TYMP: variants seen among roughly 807,000 people sequenced by gnomAD.
TYMP encodes thymidine phosphorylase.
TYMP carries 46 observed loss-of-function variants against 42.3 expected under a neutral mutation model. That is an observed-to-expected ratio of 1.09 (90% confidence interval 0.86 to 1.39). TYMP has a LOEUF of 1.39. Among genes scored for constraint, TYMP ranks in the 40% most tolerant of loss-of-function variants. The pLI, the probability that TYMP is intolerant of heterozygous loss-of-function variation, is 0.00. For missense variants in TYMP, 837 were observed against 677.6 expected (o/e 1.24, Z -2.61); for synonymous variants, 363 against 308.0 (o/e 1.18, Z -1.87).
chr22:50,529,859 T>C (rs2069529026), intron 1 of TYMP, 45 bp downstream of exon 1: 5 of 744,802 alleles, frequency 6.7e-6, no homozygotes, highest in Non-Finnish European at 6.4e-6. Flanking sequence ...CTCGTCCGTG[T>C]CTGCCTCCCG....
chr22:50,526,332 C>A lies in TYMP; in HGVS notation c.1073G>T (p.Arg358Leu). Residue 358 changes from arginine to leucine, a missense_variant, in exon 8 of 10, where the codon CGA (arginine) becomes CTA (leucine). Arg to Leu is a moderately radical substitution (Grantham distance 102, BLOSUM62 -2). Transcript: ENST00000252029. ...TGCGGGACTTCCCGAGCACAGGGCT[C>A]GGGCCAGACCGGGATCCACGCCCTG... ...AAQGVDPGLA[R>L]ALCSGSPAER... The A allele has an allele frequency of 1.3e-6, 2 of 1,559,818 alleles. No homozygotes were observed. Among genetic ancestry groups the A allele is most frequent in the Non-Finnish European group, 1.7e-6 (2 of 1,163,752 alleles).
rs761608162 is a variant in TYMP, at chr22:50,526,702, C to CCGCG, written c.798_801dup (p.Ala268ArgfsTer?). ...GGCTTGTCCATGGCGGTCAGCGCTG[C>CCGCG]CGCGACCCGAAGCCCTAGGCTGGCT... On this transcript the variant is annotated frameshift_variant, in exon 7 of 10. Coordinates refer to ENST00000252029, the MANE Select transcript of TYMP (RefSeq NM_001953.5). LOFTEE classifies it high-confidence loss of function. The CCGCG allele has an allele frequency of 5.2e-6, 8 of 1,541,392 alleles. No individual in the cohort carries two copies. In the South Asian group the frequency reaches 9.5e-5, roughly 18 times the overall value.
At chr22:50,525,969 T>TGCGGGGCCAGCAGGGCGGGGGC (rs1556486232) in intron 9 of TYMP, 32 bp downstream of exon 9, 10 of 1,372,680 alleles carry the variant, frequency 7.3e-6, no homozygotes, top group East Asian at 3.0e-5. Flanking sequence ...TGGGCGGGGG[T>TGCGGGGCCAGCAGGGCGGGGGC]GCGGGGCCAG....
chr22:50,525,797 TGCGAAGGGCGAGGGGGCG>T lies in TYMP; in HGVS notation c.1404_1421del (p.Ala469_Ala474del). 1 of 1,610,816 alleles carries T rather than the reference TGCGAAGGGCGAGGGGGCG, an allele frequency of 6.2e-7. No individual in the cohort carries two copies. Among genetic ancestry groups the T allele is most frequent in the Non-Finnish European group, 8.5e-7 (1 of 1,179,058 alleles). ...ATTGCTGCGGCGGCAGAACGAGCTC[TGCGAAGGGCGAGGGGGCG>T]GCGAATGGCGCGCGGTCGGAGAGTA... On this transcript the variant is annotated inframe_deletion, in exon 10 of 10. Transcript: ENST00000252029.
At chr22:50,529,752 G>A in intron 1 of TYMP, 33 bp from the exon 2 acceptor site, 1 of 1,565,716 alleles carries the variant, frequency 6.4e-7, no homozygotes, top group Non-Finnish European at 8.7e-7. Context: ...CGGGGTCTGC[G>A]GCCTCCCGGC....
chr22:50,528,975 G>A, intron 3 of TYMP, 161 bp downstream of exon 3: 2 of 796,474 alleles, frequency 2.5e-6, no homozygotes, highest in South Asian at 1.5e-5. Flanking sequence ...CTGTGCTGGG[G>A]AACGGGGTGG....
chr22:50,527,706 C>G lies in TYMP; in HGVS notation c.528G>C (p.Leu176=). Reference sequence around the variant, plus strand: ...CGATACAGCAGCCCGCCTGGTCCAGCAGCACTTGCATCTGGTCAGACATCC... The same window carrying G: ...CGATACAGCAGCCCGCCTGGTCCAGGAGCACTTGCATCTGGTCAGACATCC... ...VIQSPEQMQV[L]LDQAGCCIVG... The change falls in exon 5 of 10, where the codon CTG becomes CTC. Residue 176 remains leucine (L), a synonymous_variant. Transcript: ENST00000252029. 1 of 1,613,666 alleles carries G rather than the reference C, an allele frequency of 6.2e-7. No homozygotes were observed.
In TYMP at chr22:50,526,276, C is replaced by G. The variant is rs2069370068; in HGVS notation, c.1129G>C (p.Glu377Gln). ...GCGGGCGCCAGCAGCTCCTCCTGCT[C>G]CCGGGCGCGAGGCAGCAGCTGCCGG... ...ERRQLLPRAR[E>Q]QEELLAPADG... is the part of the protein sequence containing the mutation. Residue 377 changes from glutamate (E) to glutamine (Q), a missense_variant, in exon 8 of 10, where the codon GAG becomes CAG. Coordinates refer to ENST00000252029, the MANE Select transcript of TYMP (RefSeq NM_001953.5). 6.5e-7 allele frequency: 1 copy of G among 1,544,438 alleles called. No individual in the cohort carries two copies. Among genetic ancestry groups the G allele is most frequent in the Non-Finnish European group, 8.7e-7 (1 of 1,155,812 alleles).
Position 50,529,336 on chromosome 22 carries a change from C to G in TYMP, c.217G>C (p.Ala73Pro). 1 of 1,613,190 alleles carries G rather than the reference C, an allele frequency of 6.2e-7. No homozygotes were observed. Among genetic ancestry groups the G allele is most frequent in the Non-Finnish European group, 8.5e-7 (1 of 1,179,920 alleles). The change falls in exon 3 of 10, where the codon GCC (alanine) becomes CCC (proline). Residue 73 changes from alanine to proline, a missense_variant and splice_region_variant. Physicochemically the swap from Ala to Pro is conservative, Grantham distance 27. Transcript: ENST00000252029. ...CGAAGTCGGATGGCCATCAGCATGGCCCCTGGTATGTGGGGGTACGCGTGA... is the reference window on the plus strand; with the variant it reads ...CGAAGTCGGATGGCCATCAGCATGGGCCCTGGTATGTGGGGGTACGCGTGA... Reference protein sequence around the residue: ...NGSAQGAQIGAMLMAIRLRGM... With the variant: ...NGSAQGAQIGPMLMAIRLRGM...
intron 4 of TYMP, chr22:50,528,162 C>G (rs193004670): frequency 2.5e-6 from 1 of 397,068 alleles, no homozygotes; most frequent in African/African-American, 2.1e-5. Flanking sequence ...CATGCGTGCA[C>G]CACCACACGC....
In TYMP at chr22:50,525,855, A is replaced by G. The variant is rs2069333163; in HGVS notation, c.1364T>C (p.Leu455Pro). 3 of 1,603,352 alleles carry G rather than the reference A, an allele frequency of 1.9e-6. No homozygotes were observed. The highest frequency in any genetic ancestry group is 2.6e-6 in the Non-Finnish European group (3 of 1,175,724). Residue 455 changes from leucine to proline, a missense_variant, in exon 10 of 10, where the codon CTG (leucine) becomes CCG (proline). Leu to Pro is a moderately conservative substitution (Grantham distance 98). Transcript: ENST00000252029. ...GTCGGAGAGTACGAGCGCCTCCTGC[A>G]GGGCGCGGCTCTGCGGGCCGCTGAG... ...PALSGPQSRA[L>P]QEALVLSDRA...
At chr22:50,527,462 A>C (rs1175496948) in intron 5 of TYMP, 126 bp downstream of exon 5, 1 of 1,477,896 alleles carries the variant, frequency 6.8e-7, no homozygotes, top group South Asian at 1.1e-5. Context: ...GTGGTCAGGC[A>C]TCTTGTGATG....
chr22:50,529,816 G>T, intron 1 of TYMP, 88 bp downstream of exon 1: 1 of 1,054,862 alleles, frequency 9.5e-7, no homozygotes, highest in Non-Finnish European at 1.4e-6. Flanking sequence ...TGTCTCTCCG[G>T]TGTCCGCCCC....
rs753259778 is a variant in TYMP, at chr22:50,527,733, C to T, written c.517-16G>A. ...GCACTTGCATCTGGTCAGACATCCCCTGTTCTCAGTGACTTATGGTAAATG... is the reference window on the plus strand; with the variant it reads ...GCACTTGCATCTGGTCAGACATCCCTTGTTCTCAGTGACTTATGGTAAATG... On this transcript the variant is annotated splice_polypyrimidine_tract_variant and intron_variant, in intron 4 of 9. Coordinates refer to ENST00000252029, the MANE Select transcript of TYMP (RefSeq NM_001953.5). 6.2e-6 allele frequency: 10 copies of T among 1,612,266 alleles called. No individual in the cohort carries two copies. Among genetic ancestry groups the T allele is most frequent in the Non-Finnish European group, 8.5e-6 (10 of 1,179,272 alleles).
rs773785934 is a variant in TYMP, at chr22:50,525,919, C to A, written c.1301-1G>T. The A allele has an allele frequency of 6.6e-7, 1 of 1,514,628 alleles. No individual in the cohort carries two copies. Among genetic ancestry groups the A allele is most frequent in the Non-Finnish European group, 8.8e-7 (1 of 1,134,634 alleles). The allele number at this position is 1,514,628 out of a possible 1,614,324, so 93.8% of individuals were successfully genotyped here. ...CGGTGCACGCGGAGCCAGGGGGTCC[C>A]TGCAGAGCGAGGGGCTGTTAGAGGC... is the stretch of plus-strand genomic sequence containing the variant. On this transcript the variant is annotated splice_acceptor_variant, in intron 9 of 9. Transcript: ENST00000252029. LOFTEE classifies it high-confidence loss of function.
rs1569522388 is a variant in TYMP, at chr22:50,527,446, ATGGTGG to A, written c.646+136_646+141del. On this transcript the variant is annotated intron_variant, in intron 5 of 9. Coordinates refer to ENST00000252029, the MANE Select transcript of TYMP (RefSeq NM_001953.5). ...TGGGTTGAGTATCAGGCCACCCCAC[ATGGTGG>A]TGGTCAGGCATCTTGTGATGGGGGT... 12 of 1,381,232 alleles carry A rather than the reference ATGGTGG, an allele frequency of 8.7e-6. No homozygotes were observed. The South Asian group carries it at 1.3e-4, about 15-fold the overall frequency. The allele number at this position is 1,381,232 out of a possible 1,614,324, so 85.6% of individuals were successfully genotyped here.
chr22:50,528,043 ACT>A (rs2069460540), intron 4 of TYMP: 1 of 338,352 alleles, frequency 3.0e-6, no homozygotes, highest in Admixed American at 4.9e-5. Context: ...ACAGGGTCTC[ACT>A]CTGTTGCCCA....
chr22:50,527,080 G>T, intron 6 of TYMP, 85 bp downstream of exon 6: 1 of 1,105,000 alleles, frequency 9.0e-7, no homozygotes, highest in Non-Finnish European at 1.4e-6. Context: ...CTGCTGAGTG[G>T]AGGGAGGCAG....
intron 5 of TYMP, 148 bp downstream of exon 5, chr22:50,527,440 C>T (rs2069433124): frequency 7.3e-7 from 1 of 1,365,386 alleles, no homozygotes. Context: ...TATCAGGCCA[C>T]CCCACATGGT....
Sources: allele counts gnomAD v4.1 joint callset, GRCh38; gene constraint gnomAD v4.1.1; transcripts MANE v1.5; gene names NCBI Gene and HGNC (gene_info 2026-07-23, HGNC 2026-07-21).